The following L3MBTL1 variants were observed in gnomAD, a reference collection of about 807,000 sequenced individuals.
The protein encoded by L3MBTL1 is L3MBTL histone methyl-lysine binding protein 1.
Under a neutral mutation model 105.3 loss-of-function variants are expected in L3MBTL1, and 75 were observed. The observed-to-expected ratio is 0.71, with a 90% CI of 0.59 to 0.86. L3MBTL1 has a LOEUF of 0.86. L3MBTL1 is among the 40% of genes least tolerant of loss of function. L3MBTL1 has a pLI of 0.00. For missense variants in L3MBTL1, 1,069 were observed against 1,126.4 expected (o/e 0.95, Z 0.73); for synonymous variants, 452 against 436.2 (o/e 1.04, Z -0.45).
At chr20:43,514,927 G>A (rs1382051488) in intron 4 of L3MBTL1, 82 bp from the exon 5 acceptor site, 19 of 1,535,980 alleles carry the variant, frequency 1.2e-5, no homozygotes, top group Non-Finnish European at 1.5e-5. Context: ...CCGAGGCGGA[G>A]GCAGGGCCTG....
chr20:43,514,846 G>T, intron 4 of L3MBTL1, 70 bp downstream of exon 4: 5 of 1,468,772 alleles, frequency 3.4e-6, no homozygotes, highest in Non-Finnish European at 1.8e-6. Flanking sequence ...GCCCCAGAAG[G>T]TTCGGGGGCG....
chr20:43,529,227 A>G (rs984236010), intron 8 of L3MBTL1, 37 bp from the exon 9 acceptor site: 3 of 1,517,044 alleles, frequency 2.0e-6, no homozygotes, highest in South Asian at 1.2e-5. Flanking sequence ...ATAAGGCTGG[A>G]TGGAAGCTGG....
intron 19 of L3MBTL1, among the ~76,000 whole-genome samples, 154 bp downstream of exon 19, chr20:43,536,612 G>A (rs141050873): frequency 6.6e-6 from 1 of 152,330 alleles, no homozygotes; most frequent in East Asian, 1.9e-4. Context: ...ACAGAGCAGT[G>A]GCAAAAGCAG....
At chr20:43,522,975 G>C (rs1215914560) in intron 7 of L3MBTL1, among the ~76,000 whole-genome samples, 1 of 151,658 alleles carries the variant, frequency 6.6e-6, no homozygotes, top group African/African-American at 2.4e-5. Flanking sequence ...GGGCATGGTG[G>C]TGCACGCCTG....
chr20:43,528,937 C>CA (rs2019179180), intron 8 of L3MBTL1, 192 bp downstream of exon 8: 4 of 611,534 alleles, frequency 6.5e-6, no homozygotes, highest in Non-Finnish European at 1.2e-5. Flanking sequence ...TGGGAAGAAA[C>CA]AGAGAGGTGG....
intron 7 of L3MBTL1, among the ~76,000 whole-genome samples, chr20:43,518,384 A>C (rs549558907): frequency 6.6e-6 from 1 of 152,288 alleles, no homozygotes; most frequent in Admixed American, 6.5e-5. Flanking sequence ...CACAGACCTG[A>C]CATACCTAGT....
intron 7 of L3MBTL1, among the ~76,000 whole-genome samples, chr20:43,524,006 A>G (rs1235390773): frequency 6.6e-6 from 1 of 151,618 alleles, no homozygotes; most frequent in Non-Finnish European, 1.5e-5. Context: ...AAAAAAAAAA[A>G]AAAAGAAACA....
chr20:43,528,907 C>G (rs6065618), intron 8 of L3MBTL1, 162 bp downstream of exon 8: 110,454 of 635,570 alleles, frequency 0.17, 10,824 homozygotes, highest in African/African-American at 0.28. Context: ...AAAAGGGCCC[C>G]CCATAAGGGG....
chr20:43,548,037 T>G, intron 18 of L3MBTL1: 3 of 335,368 alleles, frequency 8.9e-6, no homozygotes, highest in African/African-American at 4.5e-5. Flanking sequence ...TGCACACCCC[T>G]CCCTTTCCTT....
chr20:43,525,377 T>G (rs756072617), intron 7 of L3MBTL1, among the ~76,000 whole-genome samples: 1 of 150,204 alleles, frequency 6.7e-6, no homozygotes, highest in Non-Finnish European at 1.5e-5. Flanking sequence ...CTAGCCAATA[T>G]GGTACCTTTG....
At chr20:43,536,651 C>T (rs2019649495) in intron 19 of L3MBTL1, among the ~76,000 whole-genome samples, 193 bp downstream of exon 19, 1 of 152,112 alleles carries the variant, frequency 6.6e-6, no homozygotes, top group Non-Finnish European at 1.5e-5. Flanking sequence ...CCTTGGGTTC[C>T]AATCTCATGT....
chr20:43,527,480 C>T (rs760546029), intron 7 of L3MBTL1, among the ~76,000 whole-genome samples: 2 of 151,720 alleles, frequency 1.3e-5, no homozygotes, highest in African/African-American at 4.9e-5. Context: ...ATTCATCTCC[C>T]TCCCCAGGAC....
At position 43,529,370 on chromosome 20, in the gene L3MBTL1, T is replaced by G. The variant is rs771581710; in HGVS notation, c.1056+2T>G. 6.6e-5 allele frequency: 105 copies of G among 1,602,600 alleles called. No homozygotes were observed. Among genetic ancestry groups the G allele is most frequent in the Non-Finnish European group, 8.2e-5 (96 of 1,171,570 alleles). ...TACTTCATCCTCACCGTGGCTGAGGTGAGCTGGGGCTTGGTACCACCTTTC... is the reference window on the plus strand; with the variant it reads ...TACTTCATCCTCACCGTGGCTGAGGGGAGCTGGGGCTTGGTACCACCTTTC... On this transcript the variant is annotated splice_donor_variant, in intron 9 of 21. Coordinates refer to ENST00000418998, the MANE Select transcript of L3MBTL1 (RefSeq NM_001377303.1). LOFTEE classifies it high-confidence loss of function.
At chr20:43,533,961 C>T (rs537070410) in intron 13 of L3MBTL1, 47 bp from the exon 14 acceptor site, 10 of 1,397,236 alleles carry the variant, frequency 7.2e-6, no homozygotes, top group South Asian at 6.9e-5. Flanking sequence ...AGAGGGCTTC[C>T]GCAGTACACC....
Position 43,514,278 on chromosome 20 carries a change from C to T in L3MBTL1, c.360+217C>T. The T allele has an allele frequency of 2.5e-6, 2 of 796,772 alleles. 1 individual carries two copies. The highest frequency in any genetic ancestry group is 3.7e-5 in the South Asian group (2 of 54,376). The allele number at this position is 796,772 out of a possible 1,614,324, so 49.4% of individuals were successfully genotyped here. ...GGGGCGTGGCTTGGAGTGAGGCACT[C>T]TGGGACTGGGCCTGTGGGTGTCTGG... On this transcript the variant is annotated intron_variant, in intron 3 of 21. Transcript: ENST00000418998.
In L3MBTL1 at chr20:43,534,387, G is replaced by A. The variant is rs777464489; in HGVS notation, c.1703G>A (p.Arg568Gln). 1.7e-5 allele frequency: 28 copies of A among 1,613,772 alleles called. No homozygotes were observed. In the African/African-American group the frequency reaches 2.5e-4, roughly 15 times the overall value. Residue 568 changes from arginine (R) to glutamine (Q), a missense_variant, in exon 15 of 22, where the codon CGG (arginine) becomes CAG (glutamine). Arg to Gln is a conservative substitution (Grantham distance 43). Transcript: ENST00000418998. ...AGCGTGGAGGATGTGGAGGACCATC[G>A]GATAAAGGTGGCTCTGGGACCCTAG... ...VASVEDVEDH[R>Q]IKIHFDGWSH...
At position 43,536,477 on chromosome 20, in the gene L3MBTL1, C is replaced by T. The variant is rs1022696186; in HGVS notation, c.2173+19C>T. On this transcript the variant is annotated intron_variant, in intron 19 of 21. Coordinates refer to ENST00000418998, the MANE Select transcript of L3MBTL1 (RefSeq NM_001377303.1). ...TTCCAGAGTAAGTCTGGGTTATCTG[C>T]TCCTATGTCCTCCACCACAGAGTGT... The T allele has an allele frequency of 3.1e-6, 5 of 1,612,972 alleles. No individual in the cohort carries two copies. The African/African-American group carries it at 6.7e-5, about 21-fold the overall frequency.
At chr20:43,534,699 A>G (rs1600948397) in intron 15 of L3MBTL1, 129 bp from the exon 16 acceptor site, 5 of 655,480 alleles carry the variant, frequency 7.6e-6, no homozygotes, top group African/African-American at 5.5e-5. Context: ...AGATTATTGC[A>G]GGGTTGGCCC....
chr20:43,548,681 A>G (rs1174803916), exon 19 of L3MBTL1: 1 of 152,958 alleles, frequency 6.5e-6, no homozygotes, highest in Non-Finnish European at 1.5e-5. Context: ...CCTGCCAAGA[A>G]GTGACCCCAC....
Sources: allele counts gnomAD v4.1 joint callset (sites outside exome capture counted in the v4.1 genomes callset), GRCh38; gene constraint gnomAD v4.1.1; transcripts MANE v1.5; gene names NCBI Gene and HGNC (gene_info 2026-07-23, HGNC 2026-07-21).